SLC25A3: variants seen among roughly 807,000 people sequenced by gnomAD.
The protein encoded by SLC25A3 is phosphate transport protein.
Under a neutral mutation model 37.1 loss-of-function variants are expected in SLC25A3, and 14 were observed. The observed-to-expected ratio is 0.38, with a 90% CI of 0.25 to 0.59. The LOEUF (loss-of-function observed/expected upper bound fraction) is 0.59. SLC25A3 is among the 20% of genes least tolerant of loss of function. The pLI, the probability that SLC25A3 is intolerant of heterozygous loss-of-function variation, is 0.67. For missense variants in SLC25A3, 385 were observed against 458.1 expected, an observed-to-expected ratio of 0.84 and a Z score of 1.46; for synonymous variants, 161 against 168.7, an observed-to-expected ratio of 0.95 and a Z score of 0.36.
At position 98,604,263 on chromosome 12, in the gene SLC25A3, A is replaced by ATATAT. The variant is rs1555209327; in HGVS notation, c.*2735_*2736insTATAT. ...GCGAAACTCTGTCTCAAAAAAAAAAAATATATATATATATATATATATATG... is the reference window on the plus strand; with the variant it reads ...GCGAAACTCTGTCTCAAAAAAAAAAATATATATATATATATATATATATATATATG... On this transcript the variant is annotated 3_prime_UTR_variant, in exon 8 of 8. Coordinates refer to ENST00000552981, the MANE Select transcript of SLC25A3 (RefSeq NM_002635.4). 2.8e-4 allele frequency: 38 copies of ATATAT among 134,578 alleles called. No individual in the cohort carries two copies. The highest frequency in any genetic ancestry group is 9.2e-4 in the African/African-American group (32 of 34,890). The allele number at this position is 134,578 out of a possible 1,614,324, so 8.3% of individuals were successfully genotyped here. A position where few individuals can be genotyped will look rare whatever the true frequency, so the allele number is the denominator to read the frequency against.
rs138569750 is a variant in SLC25A3, at chr12:98,604,710, GCCCCAGCT to G, written c.*3185_*3192del. ...ATTCCTGGCCTCAAGCAACTTTCCTGCCCCAGCTCCTAAAGCGGCCAGGGTTACAGGTA... is the reference window on the plus strand; with the variant it reads ...ATTCCTGGCCTCAAGCAACTTTCCTGCCTAAAGCGGCCAGGGTTACAGGTA... On this transcript the variant is annotated 3_prime_UTR_variant, in exon 8 of 8. Transcript: ENST00000552981. 0.012 allele frequency: 1,890 copies of G among 152,254 alleles called. 66 individuals carry two copies. The highest frequency in any genetic ancestry group is 0.092 in the East Asian group (474 of 5,162). The allele number at this position is 152,254 out of a possible 1,614,324, so 9.4% of individuals were successfully genotyped here. A position where few individuals can be genotyped will look rare whatever the true frequency, so the allele number is the denominator to read the frequency against.
intron 3 of SLC25A3, among the ~76,000 whole-genome samples, chr12:98,597,066 A>G (rs1336148395): frequency 1.3e-5 from 2 of 152,134 alleles, no homozygotes; most frequent in Admixed American, 1.3e-4. Flanking sequence ...GGGTGGTAAG[A>G]AATCTGTTAA....
intron 5 of SLC25A3, among the ~76,000 whole-genome samples, chr12:98,599,406 T>C (rs1400604678): frequency 1.3e-5 from 2 of 152,210 alleles, no homozygotes; most frequent in African/African-American, 2.4e-5. Context: ...AAGACTATTA[T>C]AACATTTAAT....
In SLC25A3 at chr12:98,593,958, G is replaced by T. The variant is rs1229860648; in HGVS notation, c.-4-17G>T. The T allele has an allele frequency of 6.2e-7, 1 of 1,613,778 alleles. No homozygotes were observed. Among genetic ancestry groups the T allele is most frequent in the Non-Finnish European group, 8.5e-7 (1 of 1,179,840 alleles). ...GCGCCTTGCCTGTCCTCTAACCGTC[G>T]CTCCCTCCTCCCCTAGAAAGATGTT... On this transcript the variant is annotated splice_polypyrimidine_tract_variant and intron_variant, in intron 1 of 7. Coordinates refer to ENST00000552981, the MANE Select transcript of SLC25A3 (RefSeq NM_002635.4).
In SLC25A3 at chr12:98,601,632, T is replaced by G; in HGVS notation, c.*104T>G. 1 of 779,968 alleles carries G rather than the reference T, an allele frequency of 1.3e-6. No homozygotes were observed. The highest frequency in any genetic ancestry group is 1.4e-5 in the South Asian group (1 of 69,794). The allele number at this position is 779,968 out of a possible 1,614,324, so 48.3% of individuals were successfully genotyped here. A position where few individuals can be genotyped will look rare whatever the true frequency, so the allele number is the denominator to read the frequency against. Reference sequence around the variant, plus strand: ...GACAGTGTAGGAAATTGTCTATTCCTGATATAATTACTGTAGTACTCTTGC... The same window carrying G: ...GACAGTGTAGGAAATTGTCTATTCCGGATATAATTACTGTAGTACTCTTGC... On this transcript the variant is annotated 3_prime_UTR_variant, in exon 8 of 8. Transcript: ENST00000552981.
Position 98,601,611 on chromosome 12 carries a change from G to T in SLC25A3, c.*83G>T. The stretch of plus-strand genomic sequence containing the variant: ...AAAAGGAACTTTTATATATTTGACA[G>T]TGTAGGAAATTGTCTATTCCTGATA... On this transcript the variant is annotated 3_prime_UTR_variant, in exon 8 of 8. Transcript: ENST00000552981. The T allele has an allele frequency of 2.2e-6, 2 of 906,244 alleles. No homozygotes were observed. Among genetic ancestry groups the T allele is most frequent in the Non-Finnish European group, 1.8e-6 (1 of 547,748 alleles). 56.1% of individuals were successfully genotyped at this position (906,244 alleles called of 1,614,324 possible). A position where few individuals can be genotyped will look rare whatever the true frequency, so the allele number is the denominator to read the frequency against.
rs1168453781 is a variant in SLC25A3 at position 98,605,447 on chromosome 12, A to C, written c.*3919A>C. ...CATTTCTATATGATTTTTGGGATCGACATGTCCATAATGTTAATGAAGCGC... is the reference window on the plus strand; with the variant it reads ...CATTTCTATATGATTTTTGGGATCGCCATGTCCATAATGTTAATGAAGCGC... On this transcript the variant is annotated 3_prime_UTR_variant, in exon 8 of 8. Transcript: ENST00000552981. 6.6e-6 allele frequency: 1 copy of C among 151,556 alleles called. No homozygotes were observed. Among genetic ancestry groups the C allele is most frequent in the Non-Finnish European group, 1.5e-5 (1 of 67,890 alleles). 9.4% of individuals were successfully genotyped at this position (151,556 alleles called of 1,614,324 possible). A position where few individuals can be genotyped will look rare whatever the true frequency, so the allele number is the denominator to read the frequency against.
rs117360603 is a variant in SLC25A3 at position 98,603,987 on chromosome 12, G to A, written c.*2459G>A. 3 of 152,120 alleles carry A rather than the reference G, an allele frequency of 2.0e-5. No individual in the cohort carries two copies. Among genetic ancestry groups the A allele is most frequent in the African/African-American group, 7.2e-5 (3 of 41,418 alleles). 9.4% of individuals were successfully genotyped at this position (152,120 alleles called of 1,614,324 possible). Reference sequence around the variant, plus strand: ...TACACGAAACTGCCAGGCACAGTGGGTCATGCCTGTAAACCCAGCATTCTG... The same window carrying A: ...TACACGAAACTGCCAGGCACAGTGGATCATGCCTGTAAACCCAGCATTCTG... On this transcript the variant is annotated 3_prime_UTR_variant, in exon 8 of 8. Transcript: ENST00000552981.
chr12:98,600,413 G>GTT (rs1314373098), intron 6 of SLC25A3, among the ~76,000 whole-genome samples: 6 of 149,662 alleles, frequency 4.0e-5, no homozygotes, highest in Non-Finnish European at 8.9e-5. Context: ...TTTTGTTTTT[G>GTT]TTTTTTGTTT....
intron 5 of SLC25A3, chr12:98,599,613 AG>A: frequency 1.9e-6 from 1 of 533,218 alleles, no homozygotes; most frequent in South Asian, 1.4e-5. Context: ...ATCTATTCAC[AG>A]TTAAGAATTT....
rs2097599931 is a variant in SLC25A3 at position 98,604,204 on chromosome 12, A to C, written c.*2676A>C. The stretch of plus-strand genomic sequence containing the variant: ...GAGGCGGAGGTTGTGGTGAGCCAAG[A>C]TTGCGCCATTGCACTCCAGCCTGGG... On this transcript the variant is annotated 3_prime_UTR_variant, in exon 8 of 8. Coordinates refer to ENST00000552981, the MANE Select transcript of SLC25A3 (RefSeq NM_002635.4). The C allele has an allele frequency of 6.7e-6, 1 of 149,818 alleles. No individual in the cohort carries two copies. The highest frequency in any genetic ancestry group is 6.7e-5 in the Admixed American group (1 of 14,896). The allele number at this position is 149,818 out of a possible 1,614,324, so 9.3% of individuals were successfully genotyped here. A position where few individuals can be genotyped will look rare whatever the true frequency, so the allele number is the denominator to read the frequency against.
intron 3 of SLC25A3, 48 bp from the exon 4 acceptor site, chr12:98,597,808 G>A (rs534079628): frequency 1.3e-6 from 2 of 1,597,756 alleles, no homozygotes; most frequent in African/African-American, 2.7e-5. Flanking sequence ...AAATTTTTAT[G>A]TTAGCTGTTT....
chr12:98,598,480 A>G, intron 4 of SLC25A3, 42 bp from the exon 5 acceptor site: 1 of 1,611,906 alleles, frequency 6.2e-7, no homozygotes, highest in Non-Finnish European at 8.5e-7. Flanking sequence ...GAAAACCAAC[A>G]CAACAGCAAT....
chr12:98,599,332 C>T (rs749384792), intron 5 of SLC25A3, among the ~76,000 whole-genome samples: 9 of 152,084 alleles, frequency 5.9e-5, no homozygotes, highest in African/African-American at 1.7e-4. Context: ...GGATTACAGG[C>T]GTGAGACACC....
At position 98,601,448 on chromosome 12, in the gene SLC25A3, A is replaced by C; in HGVS notation, c.1006A>C (p.Lys336Gln). The change falls in exon 8 of 8, where the codon AAG becomes CAG. Residue 336 changes from lysine to glutamine, a missense_variant. This residue lies in a region of SLC25A3 where 276 missense variants were observed against 367.6 expected (regional missense o/e 0.75). Coordinates refer to ENST00000552981, the MANE Select transcript of SLC25A3 (RefSeq NM_002635.4). ...ALQWFIYDSV[K>Q]VYFRLPRPPP... The stretch of plus-strand genomic sequence containing the variant: ...ACAGTGGTTTATCTATGACTCCGTG[A>C]AGGTCTACTTCAGACTTCCTCGCCC... The C allele has an allele frequency of 6.2e-7, 1 of 1,614,072 alleles. No individual in the cohort carries two copies. Among genetic ancestry groups the C allele is most frequent in the Non-Finnish European group, 8.5e-7 (1 of 1,179,980 alleles).
At chr12:98,598,786 G>C in intron 5 of SLC25A3, 83 bp downstream of exon 5, 2 of 1,287,844 alleles carry the variant, frequency 1.6e-6, no homozygotes, top group Non-Finnish European at 2.1e-6. Context: ...TTTTTGTTTT[G>C]TTTTTTTGAG....
intron 5 of SLC25A3, chr12:98,599,537 A>C (rs1199180035): frequency 4.6e-6 from 2 of 436,610 alleles, no homozygotes; most frequent in Non-Finnish European, 8.9e-6. Context: ...CGGTCTACAA[A>C]TGACTTGATG....
chr12:98,598,349 G>A (rs1057494108), intron 4 of SLC25A3, 173 bp from the exon 5 acceptor site: 1 of 981,624 alleles, frequency 1.0e-6, no homozygotes, highest in Non-Finnish European at 1.5e-6. Context: ...TATTCATGTT[G>A]TTCACATAGT....
intron 2 of SLC25A3, 188 bp downstream of exon 2, chr12:98,594,323 T>G (rs1036708943): frequency 1.4e-6 from 1 of 706,100 alleles, no homozygotes; most frequent in Non-Finnish European, 2.6e-6. Flanking sequence ...TCCTTGGCCT[T>G]CCCTCAAGGG....
Sources: allele counts gnomAD v4.1 joint callset (sites outside exome capture counted in the v4.1 genomes callset), GRCh38; gene constraint gnomAD v4.1.1; regional missense constraint gnomAD v4.1.1; transcripts MANE v1.5; gene names NCBI Gene and HGNC (gene_info 2026-07-23, HGNC 2026-07-21).